The following ADGRB3 variants were observed in gnomAD, a reference collection of about 807,000 sequenced individuals.
ADGRB3 encodes the protein brain-specific angiogenesis inhibitor 3.
In ADGRB3, 37 loss-of-function variants were observed where a neutral mutation model predicts 193.4. The ratio of observed to expected loss-of-function variants is 0.19; its 90% CI spans 0.15 to 0.25. The LOEUF is 0.25. ADGRB3 is among the 10% of genes least tolerant of loss of function. The pLI is 1.00. For synonymous variants in ADGRB3, 690 were observed against 644.2 expected, an observed-to-expected ratio of 1.07 and a Z score of -1.08; for missense variants, 1,637 against 1,852.9, an observed-to-expected ratio of 0.88 and a Z score of 2.14.
intron 3 of ADGRB3, among the ~76,000 whole-genome samples, chr6:68,898,673 C>T (rs562816006): frequency 3.0e-4 from 46 of 152,178 alleles, no homozygotes; most frequent in African/African-American, 1.1e-3. Context: ...AGTAGAATAA[C>T]TTTGCAGTCG....
intron 4 of ADGRB3, among the ~76,000 whole-genome samples, chr6:68,931,952 T>A (rs1767349332): frequency 1.3e-5 from 2 of 152,178 alleles, no homozygotes; most frequent in Admixed American, 1.3e-4. Context: ...TTAAGAAAAA[T>A]TGATTTTTAT....
chr6:69,091,015 T>A (rs1007934174), intron 17 of ADGRB3, among the ~76,000 whole-genome samples: 2 of 152,188 alleles, frequency 1.3e-5, no homozygotes, highest in Non-Finnish European at 2.9e-5. Context: ...AAGACATACA[T>A]GCAGCCAATA....
intron 10 of ADGRB3, among the ~76,000 whole-genome samples, chr6:68,990,471 C>T (rs2150273484): frequency 6.6e-6 from 1 of 152,166 alleles, no homozygotes; most frequent in Middle Eastern, 3.4e-3. Flanking sequence ...GTCATCTGGG[C>T]ACCTGTTTGC....
chr6:69,164,547 A>T (rs1392674521), intron 17 of ADGRB3, among the ~76,000 whole-genome samples: 1 of 152,114 alleles, frequency 6.6e-6, no homozygotes, highest in Non-Finnish European at 1.5e-5. Context: ...ATCTCTGAGC[A>T]GGGTCTTGTT....
At chr6:69,362,501 T>G (rs184488907) in intron 29 of ADGRB3, among the ~76,000 whole-genome samples, 142 of 152,036 alleles carry the variant, frequency 9.3e-4, no homozygotes, top group Non-Finnish European at 1.4e-3. Context: ...GAAGAGGCAT[T>G]CTGAGAGTCT....
intron 17 of ADGRB3, among the ~76,000 whole-genome samples, chr6:69,103,312 A>G (rs375652336): frequency 2.4e-4 from 36 of 152,186 alleles, no homozygotes; most frequent in African/African-American, 7.5e-4. Context: ...ATGAAATACC[A>G]TGTCAATATA....
intron 20 of ADGRB3, among the ~76,000 whole-genome samples, chr6:69,310,501 T>C (rs1768167579): frequency 1.3e-5 from 2 of 151,746 alleles, no homozygotes; most frequent in South Asian, 2.1e-4. Context: ...AAAATTTAGC[T>C]ACATTCTGGG....
At chr6:68,899,197 A>T (rs74563674) in intron 3 of ADGRB3, among the ~76,000 whole-genome samples, 14,506 of 152,248 alleles carry the variant, frequency 0.095, 910 homozygotes, top group Non-Finnish European at 0.14. Flanking sequence ...CAAAAAATTT[A>T]AAAAATTAGT....
chr6:69,348,302 C>T (rs924809643), intron 26 of ADGRB3, among the ~76,000 whole-genome samples: 3 of 151,990 alleles, frequency 2.0e-5, no homozygotes, highest in African/African-American at 7.2e-5. Flanking sequence ...CTCACACTGC[C>T]GTCCCAGCTG....
chr6:68,840,369 CTTTTTTTTTTTTTTTTTTTTTT>C (rs752625602), intron 3 of ADGRB3, among the ~76,000 whole-genome samples: 9 of 69,430 alleles, frequency 1.3e-4, no homozygotes, highest in Middle Eastern at 0.01. Flanking sequence ...ACTGGGCAGT[CTTTTTTTTTTTTTTTTTTTTTT>C]TTTTTTTTTT....
At chr6:68,855,988 A>G (rs547419907) in intron 3 of ADGRB3, among the ~76,000 whole-genome samples, 2 of 152,320 alleles carry the variant, frequency 1.3e-5, no homozygotes, top group East Asian at 3.9e-4. Context: ...GGTCTTTCCC[A>G]TGCTGTTCTC....
intron 20 of ADGRB3, among the ~76,000 whole-genome samples, chr6:69,243,501 T>C (rs958678189): frequency 6.6e-6 from 1 of 150,584 alleles, no homozygotes; most frequent in African/African-American, 2.4e-5. Flanking sequence ...GTGGGCCCCA[T>C]CGCTAAAAGA....
In ADGRB3 at chr6:69,305,696, G is replaced by A. The variant is rs559700812; in HGVS notation, c.2815-19176G>A. On this transcript the variant is annotated intron_variant, in intron 20 of 31. Transcript: ENST00000370598. ...CGTTTGTGGAGCTCTAGCTCAATAGGCTACCTGGACTCAGGCTCATGGAAA... is the reference window on the plus strand; with the variant it reads ...CGTTTGTGGAGCTCTAGCTCAATAGACTACCTGGACTCAGGCTCATGGAAA... Among the ~76,000 whole-genome samples the A allele has an allele frequency of 5.4e-4, 82 of 151,220 alleles. 1 individual carries two copies. The highest frequency in any genetic ancestry group is 2.0e-3 in the African/African-American group (80 of 41,006).
intron 13 of ADGRB3, among the ~76,000 whole-genome samples, chr6:69,031,917 C>T (rs74981310): frequency 2.6e-5 from 4 of 152,142 alleles, no homozygotes; most frequent in African/African-American, 9.6e-5. Context: ...CAGATGTGAG[C>T]GACTGTTCTG....
chr6:69,027,480 T>A (rs954193865), intron 13 of ADGRB3, among the ~76,000 whole-genome samples: 1 of 152,176 alleles, frequency 6.6e-6, no homozygotes, highest in Non-Finnish European at 1.5e-5. Context: ...AATGGTAAAA[T>A]GTACAGTATA....
chr6:69,270,555 T>C (rs577722072), intron 20 of ADGRB3, among the ~76,000 whole-genome samples: 4 of 152,190 alleles, frequency 2.6e-5, no homozygotes, highest in Non-Finnish European at 4.4e-5. Context: ...ATTGTTCTTT[T>C]AAGGAAAATG....
intron 18 of ADGRB3, 111 bp downstream of exon 18, chr6:69,233,527 C>A: frequency 1.2e-6 from 1 of 837,778 alleles, no homozygotes; most frequent in Non-Finnish European, 1.7e-6. Context: ...TTGCAGGGTA[C>A]AAAATTGGGT....
At chr6:68,802,878 A>C (rs1260801141) in intron 3 of ADGRB3, among the ~76,000 whole-genome samples, 1 of 152,122 alleles carries the variant, frequency 6.6e-6, no homozygotes, top group Non-Finnish European at 1.5e-5. Context: ...TCCTTTATTA[A>C]AGTTATTAAC....
chr6:69,202,032 C>T (rs1225407074), intron 17 of ADGRB3, among the ~76,000 whole-genome samples: 1 of 152,144 alleles, frequency 6.6e-6, no homozygotes, highest in Non-Finnish European at 1.5e-5. Context: ...GGACACCATT[C>T]CTGCATGCCA....
Sources: gnomAD v4.1 joint callset for allele counts (sites outside exome capture counted in the v4.1 genomes callset) on GRCh38, gnomAD v4.1.1 for gene constraint, MANE v1.5 for transcripts, NCBI Gene and HGNC (gene_info 2026-07-23, HGNC 2026-07-21) for gene names.